WARS2: variants seen among roughly 807,000 people sequenced by gnomAD.
The protein encoded by WARS2 is tryptophanyl tRNA synthetase 2, mitochondrial, also known as tryptophan--tRNA ligase, mitochondrial.
WARS2 carries 28 observed loss-of-function variants against 36.5 expected under a neutral mutation model. The ratio of observed to expected loss-of-function variants is 0.77; its 90% confidence interval spans 0.57 to 1.05. WARS2 has a LOEUF of 1.05. Ranked by LOEUF, WARS2 falls within the 50% of genes least tolerant of loss-of-function variation. WARS2 has a pLI of 0.00. For missense variants in WARS2, 435 were observed against 456.8 expected, an observed-to-expected ratio of 0.95 and a Z score of 0.44; for synonymous variants, 174 against 178.4, an observed-to-expected ratio of 0.98 and a Z score of 0.20.
rs1487072789 is a variant in WARS2 at position 119,076,568 on chromosome 1, T to C, written c.130A>G (p.Thr44Ala). ...KKRVFSGIQP[T>A]GILHLGNYLG... is the part of the protein sequence containing the mutation. Reference sequence around the variant, plus strand: ...TAATTGCCCAGGTGGAGGATTCCTGTAGGTTGAATGCCGGAAAATACTCGC... The same window carrying C: ...TAATTGCCCAGGTGGAGGATTCCTGCAGGTTGAATGCCGGAAAATACTCGC... Residue 44 changes from threonine to alanine, a missense_variant, in exon 2 of 6, where the codon ACA becomes GCA. By Grantham distance (58) the Thr-to-Ala change is moderately conservative (BLOSUM62 0). Coordinates refer to ENST00000235521, the MANE Select transcript of WARS2 (RefSeq NM_015836.4). The C allele has an allele frequency of 6.2e-7, 1 of 1,614,028 alleles. No individual in the cohort carries two copies.
chr1:119,056,502 A>G (rs1431551029), intron 2 of WARS2, among the ~76,000 whole-genome samples: 1 of 147,582 alleles, frequency 6.8e-6, no homozygotes, highest in African/African-American at 2.5e-5. Flanking sequence ...TACATTCTAT[A>G]TATTTGTAGA....
intron 2 of WARS2, chr1:119,064,451 G>A (rs1331098840): frequency 1.3e-5 from 2 of 152,212 alleles, no homozygotes; most frequent in Non-Finnish European, 1.5e-5. Flanking sequence ...GTTTTGAAAT[G>A]TAAGGACATG....
At chr1:119,124,026 C>A (rs1655495668) in intron 1 of WARS2, among the ~76,000 whole-genome samples, 1 of 152,148 alleles carries the variant, frequency 6.6e-6, no homozygotes, top group Non-Finnish European at 1.5e-5. Context: ...CCTGATAACC[C>A]CTGATCTTCC....
chr1:119,120,420 C>G (rs2101534589), intron 1 of WARS2, among the ~76,000 whole-genome samples: 1 of 151,374 alleles, frequency 6.6e-6, no homozygotes, highest in East Asian at 1.9e-4. Context: ...AAAACATTGC[C>G]AACAAAAAAA....
intron 2 of WARS2, among the ~76,000 whole-genome samples, chr1:119,074,321 C>A (rs67840462): frequency 6.6e-6 from 1 of 152,032 alleles, no homozygotes; most frequent in African/African-American, 2.4e-5. Flanking sequence ...TAAGGACCTA[C>A]GGGGTAAGAT....
chr1:119,121,554 T>C (rs763349027), intron 1 of WARS2, among the ~76,000 whole-genome samples: 1 of 151,712 alleles, frequency 6.6e-6, no homozygotes, highest in Non-Finnish European at 1.5e-5. Context: ...CTAAAATTCA[T>C]ATGTAAGAAA....
intron 1 of WARS2, among the ~76,000 whole-genome samples, chr1:119,128,968 C>T (rs1190712999): frequency 8.5e-5 from 13 of 152,134 alleles, no homozygotes; most frequent in Non-Finnish European, 1.9e-4. Flanking sequence ...AAGTTTTGTT[C>T]TATTTTAGAA....
intron 3 of WARS2, 34 bp from the exon 4 acceptor site, chr1:119,042,383 T>A (rs1648449500): frequency 6.2e-7 from 1 of 1,601,750 alleles, no homozygotes; most frequent in Non-Finnish European, 8.6e-7. Flanking sequence ...GGGGAAGAAA[T>A]CTGAAATCTG....
intron 1 of WARS2, among the ~76,000 whole-genome samples, chr1:119,094,681 T>C (rs1364972808): frequency 6.6e-6 from 1 of 152,172 alleles, no homozygotes; most frequent in African/African-American, 2.4e-5. Context: ...TCAATTTCTT[T>C]TGTTTTTATG....
At chr1:119,129,604 G>C (rs1655942154) in intron 1 of WARS2, among the ~76,000 whole-genome samples, 1 of 152,064 alleles carries the variant, frequency 6.6e-6, no homozygotes, top group African/African-American at 2.4e-5. Flanking sequence ...CAGCTACGCA[G>C]GAAGCTGAGT....
At chr1:119,126,885 A>G in intron 1 of WARS2, 3 of 810,454 alleles carry the variant, frequency 3.7e-6, no homozygotes, top group Non-Finnish European at 6.4e-6. Flanking sequence ...GGTCTTCCGT[A>G]CCTGATTGTT....
chr1:119,079,265 A>G (rs1460112747), intron 1 of WARS2, among the ~76,000 whole-genome samples: 2 of 152,176 alleles, frequency 1.3e-5, no homozygotes, highest in Non-Finnish European at 2.9e-5. Context: ...CTGTGTCAGT[A>G]TAACATTGAT....
rs1352085871 is a variant in WARS2, at chr1:119,031,763, CT to C, written c.*1147del. ...AGAAGCTGTCAGTCATTGGGAATAT[CT>C]GATTTGTCAGTCTTCACTGCTATTG... On this transcript the variant is annotated 3_prime_UTR_variant, in exon 6 of 6. Transcript: ENST00000235521. 1 of 152,274 alleles carries C rather than the reference CT, an allele frequency of 6.6e-6. No individual in the cohort carries two copies. Among genetic ancestry groups the C allele is most frequent in the African/African-American group, 2.4e-5 (1 of 41,432 alleles). 9.4% of individuals were successfully genotyped at this position (152,274 alleles called of 1,614,324 possible). A position where few individuals can be genotyped will look rare whatever the true frequency, so the allele number is the denominator to read the frequency against.
Position 119,032,867 on chromosome 1 carries a change from GGA to G in WARS2, c.*42_*43del. On this transcript the variant is annotated 3_prime_UTR_variant, in exon 6 of 6. Coordinates refer to ENST00000235521, the MANE Select transcript of WARS2 (RefSeq NM_015836.4). ...GAAAGCTGCCGTTATCAGAATGCAT[GGA>G]GTGCAAGGCACAAAAGCCTTGCTGT... 6.6e-7 allele frequency: 1 copy of G among 1,526,070 alleles called. No homozygotes were observed. 94.5% of individuals were successfully genotyped at this position (1,526,070 alleles called of 1,614,324 possible).
chr1:119,082,579 T>G (rs926909121), intron 1 of WARS2: 1 of 368,280 alleles, frequency 2.7e-6, no homozygotes, highest in African/African-American at 2.2e-5. Flanking sequence ...AAATTCTATA[T>G]TCCTTCCATC....
intron 1 of WARS2, among the ~76,000 whole-genome samples, chr1:119,131,772 A>G (rs1656134401): frequency 6.6e-6 from 1 of 152,000 alleles, no homozygotes; most frequent in South Asian, 2.1e-4. Context: ...GACTGTACAA[A>G]GTTTTAAACG....
rs190928519 is a variant in WARS2, at chr1:119,044,707, C to T, written c.429+875G>A. Among the ~76,000 whole-genome samples the T allele has an allele frequency of 2.0e-5, 3 of 152,276 alleles. No homozygotes were observed. In the East Asian group the frequency reaches 5.8e-4, roughly 29 times the overall value. ...CTCTGTCCACAGATGCTGTCAGGAG[C>T]AAGCGGTGTCTCTAGGGCCTCTTTA... On this transcript the variant is annotated intron_variant, in intron 3 of 5. Coordinates refer to ENST00000235521, the MANE Select transcript of WARS2 (RefSeq NM_015836.4).
chr1:119,080,824 T>C (rs978706920), intron 1 of WARS2, among the ~76,000 whole-genome samples: 4 of 152,154 alleles, frequency 2.6e-5, no homozygotes, highest in Non-Finnish European at 5.9e-5. Flanking sequence ...AGCTTGGGCT[T>C]CCCATGGGTT....
intron 1 of WARS2, among the ~76,000 whole-genome samples, chr1:119,107,395 C>G (rs183170516): frequency 1.3e-5 from 2 of 152,220 alleles, no homozygotes; most frequent in East Asian, 3.9e-4. Context: ...CTGTCTCCTA[C>G]GTGGTTTATA....
Sources: gnomAD v4.1 joint callset for allele counts (sites outside exome capture counted in the v4.1 genomes callset) on GRCh38, gnomAD v4.1.1 for gene constraint, MANE v1.5 for transcripts, NCBI Gene and HGNC (gene_info 2026-07-23, HGNC 2026-07-21) for gene names.